The following SEC31A variants were observed in gnomAD, a reference collection of about 807,000 sequenced individuals.
SEC31A encodes the protein protein transport protein Sec31A.
A neutral mutation model predicts 151.0 loss-of-function variants in SEC31A; 70 were observed. The observed-to-expected ratio is 0.46, with a 90% CI of 0.38 to 0.57. The LOEUF is 0.57. Among genes scored for constraint, SEC31A ranks in the 20% least tolerant of loss-of-function variants. SEC31A has a pLI of 0.00. For missense variants in SEC31A, 1,330 were observed against 1,471.2 expected, an observed-to-expected ratio of 0.90 and a Z score of 1.57; for synonymous variants, 475 against 505.9, an observed-to-expected ratio of 0.94 and a Z score of 0.82.
At chr4:82,851,197 A>G (rs1425916170) in intron 19 of SEC31A, among the ~76,000 whole-genome samples, 1 of 152,252 alleles carries the variant, frequency 6.6e-6, no homozygotes, top group African/African-American at 2.4e-5. Context: ...CTAAAATACT[A>G]TGTCGGTACA....
At chr4:82,825,862 A>G (rs1724439359) in intron 24 of SEC31A, among the ~76,000 whole-genome samples, 1 of 152,204 alleles carries the variant, frequency 6.6e-6, no homozygotes, top group Non-Finnish European at 1.5e-5. Flanking sequence ...AATATCGACG[A>G]GACTTGGGGA....
At position 82,819,055 on chromosome 4, in the gene SEC31A, T is replaced by C. The variant is rs932239016; in HGVS notation, c.*19A>G. 6 of 1,570,740 alleles carry C rather than the reference T, an allele frequency of 3.8e-6. No individual in the cohort carries two copies. The highest frequency in any genetic ancestry group is 5.2e-6 in the Non-Finnish European group (6 of 1,161,616). On this transcript the variant is annotated 3_prime_UTR_variant, in exon 27 of 27. Transcript: ENST00000395310. ...TCTTTGGAAAAATGGCAATATTGAG[T>C]GGAAGAGAAGCTGTCCTTTTAGACA...
chr4:82,867,268 A>G lies in SEC31A; in HGVS notation c.931T>C (p.Trp311Arg). ...AAGACAGCAGGATTTCGGGGACACC[A>G]CTGAATATCGAAGCACCACTGTGTG... ...TNTQWCFDIQ[W>R]CPRNPAVLSA... Residue 311 changes from tryptophan to arginine, a missense_variant, in exon 9 of 27, where the codon TGG becomes CGG. Physicochemically the swap from Trp to Arg is moderately radical, Grantham distance 101. Transcript: ENST00000395310. 6.2e-7 allele frequency: 1 copy of G among 1,614,218 alleles called. No individual in the cohort carries two copies. Among genetic ancestry groups the G allele is most frequent in the Non-Finnish European group, 8.5e-7 (1 of 1,180,018 alleles).
At chr4:82,826,036 G>A (rs1479878409) in intron 24 of SEC31A, among the ~76,000 whole-genome samples, 1 of 152,142 alleles carries the variant, frequency 6.6e-6, no homozygotes. Flanking sequence ...ACATGCTGAG[G>A]TTGAAGTACC....
chr4:82,889,119 C>T (rs17006355), intron 1 of SEC31A, among the ~76,000 whole-genome samples: 2,598 of 152,260 alleles, frequency 0.017, 34 homozygotes, highest in Middle Eastern at 0.031. Flanking sequence ...TCAACCCAAA[C>T]CAAATCAAAG....
chr4:82,870,081 T>C (rs1306380223), intron 8 of SEC31A, among the ~76,000 whole-genome samples: 2 of 152,186 alleles, frequency 1.3e-5, no homozygotes, highest in African/African-American at 4.8e-5. Flanking sequence ...AACACATTAT[T>C]GGAAATGAGG....
At chr4:82,844,813 T>C (rs1729697903) in intron 20 of SEC31A, among the ~76,000 whole-genome samples, 1 of 152,168 alleles carries the variant, frequency 6.6e-6, no homozygotes, top group African/African-American at 2.4e-5. Context: ...CTAATTTCCA[T>C]CCACTACTCC....
chr4:82,856,546 T>C (rs1374541230), intron 16 of SEC31A, among the ~76,000 whole-genome samples: 2 of 150,812 alleles, frequency 1.3e-5, no homozygotes, highest in South Asian at 2.1e-4. Context: ...AGGTCAGGAG[T>C]TCGAGACCAG....
chr4:82,841,447 TATA>T (rs1304836505), intron 22 of SEC31A, among the ~76,000 whole-genome samples: 1 of 45,708 alleles, frequency 2.2e-5, no homozygotes, highest in Non-Finnish European at 3.9e-5. Flanking sequence ...AAATTTTATA[TATA>T]TATATATATA....
At chr4:82,893,924 A>AT (rs909857001), upstream of SEC31A, 2 of 152,098 alleles carry the variant, frequency 1.3e-5, no homozygotes, top group East Asian at 3.8e-4. Context: ...GCCCTGAAAA[A>AT]TTTTTTTAAG....
intron 19 of SEC31A, among the ~76,000 whole-genome samples, chr4:82,850,239 A>G (rs755001716): frequency 1.3e-4 from 20 of 152,184 alleles, no homozygotes; most frequent in Non-Finnish European, 2.2e-4. Context: ...AAAGGTTCTT[A>G]TAATATACCT....
intron 21 of SEC31A, chr4:82,842,890 C>T (rs921924597): frequency 1.2e-5 from 2 of 171,696 alleles, no homozygotes; most frequent in Admixed American, 5.7e-5. Flanking sequence ...TCCAGACCTC[C>T]CTCCCAATAA....
intron 22 of SEC31A, 139 bp downstream of exon 22, chr4:82,842,001 C>T: frequency 1.5e-6 from 1 of 688,862 alleles, no homozygotes; most frequent in Non-Finnish European, 2.3e-6. Context: ...ACAAAAAACA[C>T]AAAAAACAAA....
At chr4:82,888,020 T>G (rs373484853) in intron 1 of SEC31A, among the ~76,000 whole-genome samples, 1 of 145,848 alleles carries the variant, frequency 6.9e-6, no homozygotes, top group Non-Finnish European at 1.5e-5. Flanking sequence ...CACTCCAGCC[T>G]GGGTGACAGA....
chr4:82,891,115 C>T lies in SEC31A; in HGVS notation c.-32G>A. On this transcript the variant is annotated 5_prime_UTR_variant, in exon 1 of 27. Transcript: ENST00000395310. ...GGCGAGGACCTTCGGCAGCCGGATC[C>T]TGCGTTAGTGCAGCGCTCGTCGGAC... The T allele has an allele frequency of 6.5e-7, 1 of 1,535,998 alleles. No homozygotes were observed. The highest frequency in any genetic ancestry group is 8.7e-7 in the Non-Finnish European group (1 of 1,146,784).
At chr4:82,862,457 T>G in intron 13 of SEC31A, 77 bp downstream of exon 13, 3 of 1,063,436 alleles carry the variant, frequency 2.8e-6, no homozygotes, top group Non-Finnish European at 4.3e-6. Flanking sequence ...AAACACAAAT[T>G]TCTTAAATGA....
chr4:82,830,873 T>C, intron 22 of SEC31A: 1 of 645,900 alleles, frequency 1.5e-6, no homozygotes, highest in South Asian at 2.4e-5. Flanking sequence ...ATTGTTAATG[T>C]CCATTCATTA....
At chr4:82,824,438 CAA>C in intron 25 of SEC31A, 115 bp downstream of exon 25, 1 of 1,069,014 alleles carries the variant, frequency 9.4e-7, no homozygotes, top group East Asian at 2.6e-5. Flanking sequence ...CTCCTGGCTT[CAA>C]ATGATCCACC....
intron 1 of SEC31A, among the ~76,000 whole-genome samples, chr4:82,888,426 T>A (rs1169116224): frequency 4.1e-5 from 3 of 72,368 alleles, no homozygotes; most frequent in Admixed American, 2.4e-4. Flanking sequence ...GCGCAGTGGC[T>A]CACACCTGTA....
Sources: allele counts gnomAD v4.1 joint callset (sites outside exome capture counted in the v4.1 genomes callset), GRCh38; gene constraint gnomAD v4.1.1; transcripts MANE v1.5; gene names NCBI Gene and HGNC (gene_info 2026-07-23, HGNC 2026-07-21).